ARSB: variants seen among roughly 807,000 people sequenced by gnomAD.
ARSB encodes the protein N-acetylgalactosamine-4-sulfatase.
ARSB carries 41 observed loss-of-function variants against 50.9 expected under a neutral mutation model. That is an observed-to-expected ratio of 0.81 (90% confidence interval 0.63 to 1.04). ARSB has a LOEUF of 1.04. Ranked by LOEUF, ARSB falls within the 50% of genes least tolerant of loss-of-function variation. The pLI is 0.00. For missense variants in ARSB, 672 were observed against 693.3 expected (o/e 0.97, Z 0.35); for synonymous variants, 269 against 284.8 (o/e 0.94, Z 0.56).
At chr5:78,950,692 T>C (rs912778886) in intron 4 of ARSB, among the ~76,000 whole-genome samples, 4 of 152,156 alleles carry the variant, frequency 2.6e-5, no homozygotes, top group African/African-American at 9.7e-5. Flanking sequence ...ACTTAATGCC[T>C]ATATGCCACC....
At chr5:78,806,375 A>G (rs1743564288) in intron 6 of ARSB, among the ~76,000 whole-genome samples, 1 of 152,250 alleles carries the variant, frequency 6.6e-6, no homozygotes, top group African/African-American at 2.4e-5. Flanking sequence ...ATACCATCAG[A>G]GAAATAATAA....
At chr5:78,959,111 G>T (rs1317053238) in intron 3 of ARSB, among the ~76,000 whole-genome samples, 2 of 152,120 alleles carry the variant, frequency 1.3e-5, no homozygotes, top group African/African-American at 4.8e-5. Flanking sequence ...TCATGGGGGT[G>T]GTTACCCCCA....
intron 4 of ARSB, among the ~76,000 whole-genome samples, chr5:78,932,985 C>T (rs1001280459): frequency 6.6e-6 from 1 of 152,194 alleles, no homozygotes; most frequent in Non-Finnish European, 1.5e-5. Flanking sequence ...CTGTCATTGT[C>T]AATGTCACAC....
At chr5:78,826,583 A>T (rs772253756) in intron 6 of ARSB, among the ~76,000 whole-genome samples, 3 of 152,216 alleles carry the variant, frequency 2.0e-5, no homozygotes, top group Non-Finnish European at 4.4e-5. Flanking sequence ...AACACAGTGC[A>T]CTGTCAACAA....
intron 5 of ARSB, among the ~76,000 whole-genome samples, chr5:78,843,734 C>A (rs959032240): frequency 6.6e-6 from 1 of 152,184 alleles, no homozygotes; most frequent in South Asian, 2.1e-4. Context: ...CCTCCCCAGC[C>A]CTAGCCGATT....
At chr5:78,856,322 A>T (rs564241546) in intron 5 of ARSB, among the ~76,000 whole-genome samples, 1 of 152,328 alleles carries the variant, frequency 6.6e-6, no homozygotes, top group South Asian at 2.1e-4. Context: ...AAAGATGGGT[A>T]TCTAGCTTTT....
At chr5:78,898,533 A>G (rs1748670135) in intron 4 of ARSB, among the ~76,000 whole-genome samples, 1 of 152,230 alleles carries the variant, frequency 6.6e-6, no homozygotes, top group African/African-American at 2.4e-5. Context: ...AATCAAATTT[A>G]GCTTTATATA....
intron 4 of ARSB, among the ~76,000 whole-genome samples, chr5:78,931,084 ATC>A (rs1365409492): frequency 3.3e-5 from 5 of 152,178 alleles, no homozygotes; most frequent in Admixed American, 2.6e-4. Flanking sequence ...AGCCCGGGAA[ATC>A]TCTCTCTCGT....
At chr5:78,829,914 C>T (rs973516923) in intron 6 of ARSB, among the ~76,000 whole-genome samples, 5 of 152,046 alleles carry the variant, frequency 3.3e-5, no homozygotes, top group African/African-American at 9.7e-5. Flanking sequence ...GACTGGGGAA[C>T]TGAGGTAGGA....
chr5:78,861,572 C>A (rs866421038), intron 5 of ARSB, among the ~76,000 whole-genome samples: 3 of 152,118 alleles, frequency 2.0e-5, no homozygotes, highest in Non-Finnish European at 4.4e-5. Context: ...ATGCTTCATG[C>A]TAAAAACTCT....
chr5:78,828,412 A>G (rs549355212), intron 6 of ARSB, among the ~76,000 whole-genome samples: 1 of 152,018 alleles, frequency 6.6e-6, no homozygotes, highest in African/African-American at 2.4e-5. Context: ...TTGTCCCCCA[A>G]ATAGGCTCAC....
chr5:78,974,631 C>T (rs1296424087), intron 1 of ARSB, among the ~76,000 whole-genome samples: 2 of 152,218 alleles, frequency 1.3e-5, no homozygotes, highest in Non-Finnish European at 2.9e-5. Flanking sequence ...CCAGAAAATC[C>T]TCTAACTCCA....
intron 4 of ARSB, among the ~76,000 whole-genome samples, chr5:78,889,170 T>A (rs1387221696): frequency 6.6e-6 from 1 of 152,218 alleles, no homozygotes; most frequent in Non-Finnish European, 1.5e-5. Flanking sequence ...TCCTGGGTAT[T>A]TCAAAGAATT....
intron 4 of ARSB, among the ~76,000 whole-genome samples, chr5:78,919,954 G>C (rs73113968): frequency 0.05 from 7,661 of 152,262 alleles, 617 homozygotes; most frequent in African/African-American, 0.17. Context: ...TCAGAGCACT[G>C]GCTGGTTTGC....
intron 4 of ARSB, among the ~76,000 whole-genome samples, chr5:78,950,314 C>T (rs374079034): frequency 6.6e-6 from 1 of 152,190 alleles, no homozygotes; most frequent in Non-Finnish European, 1.5e-5. Context: ...AACTACAAGA[C>T]CAGAGAAGCT....
intron 6 of ARSB, among the ~76,000 whole-genome samples, chr5:78,796,425 C>T (rs1743178745): frequency 6.6e-6 from 1 of 152,222 alleles, no homozygotes; most frequent in Admixed American, 6.5e-5. Flanking sequence ...ACCAATTCCC[C>T]AGGAGGATCC....
intron 6 of ARSB, among the ~76,000 whole-genome samples, chr5:78,791,638 G>C (rs1749238326): frequency 6.6e-6 from 1 of 152,242 alleles, no homozygotes; most frequent in South Asian, 2.1e-4. Flanking sequence ...ACAACTGCAG[G>C]CTTTGGCCAA....
At chr5:78,782,934 C>T (rs909957531) in intron 6 of ARSB, among the ~76,000 whole-genome samples, 3 of 152,060 alleles carry the variant, frequency 2.0e-5, no homozygotes, top group African/African-American at 7.2e-5. Context: ...AAAAGGGTCT[C>T]GGTTGAACAT....
intron 4 of ARSB, among the ~76,000 whole-genome samples, chr5:78,928,149 T>C (rs1430059120): frequency 6.6e-6 from 1 of 152,046 alleles, no homozygotes; most frequent in Non-Finnish European, 1.5e-5. Flanking sequence ...CCAAAGGGCC[T>C]GGGACCTGAA....
Sources: allele counts gnomAD v4.1 joint callset (sites outside exome capture counted in the v4.1 genomes callset), GRCh38; gene constraint gnomAD v4.1.1; transcripts MANE v1.5; gene names NCBI Gene and HGNC (gene_info 2026-07-23, HGNC 2026-07-21).